ZFPM2: variants seen among roughly 807,000 people sequenced by gnomAD.
The protein encoded by ZFPM2 is zinc finger protein, FOG family member 2, also known as zinc finger protein ZFPM2.
ZFPM2 carries 20 observed loss-of-function variants against 98.6 expected under a neutral mutation model. That is an observed-to-expected ratio of 0.20 (90% CI 0.14 to 0.29). The LOEUF (loss-of-function observed/expected upper bound fraction) is 0.29. ZFPM2 is among the 10% of genes least tolerant of loss of function. The pLI, the probability that ZFPM2 is intolerant of heterozygous loss-of-function variation, is 1.00. For synonymous variants in ZFPM2, 518 were observed against 502.7 expected (o/e 1.03, Z -0.41); for missense variants, 1,310 against 1,388.6 (o/e 0.94, Z 0.90).
chr8:105,344,142 A>G (rs987345983), intron 1 of ZFPM2, among the ~76,000 whole-genome samples: 1 of 152,104 alleles, frequency 6.6e-6, no homozygotes, highest in Admixed American at 6.6e-5. Context: ...CCATGATCCA[A>G]TTACCTCTCA....
At chr8:105,385,784 A>G (rs544252894) in intron 1 of ZFPM2, among the ~76,000 whole-genome samples, 1 of 152,330 alleles carries the variant, frequency 6.6e-6, no homozygotes, top group East Asian at 1.9e-4. Flanking sequence ...AGAGAGGATA[A>G]GCTGTGAAGG....
chr8:105,748,512 G>A (rs1450407316), intron 5 of ZFPM2, among the ~76,000 whole-genome samples: 2 of 152,018 alleles, frequency 1.3e-5, no homozygotes, highest in Non-Finnish European at 2.9e-5. Context: ...AAGAAGAATA[G>A]GATGCTGAGT....
chr8:105,428,589 A>G (rs1378931481), intron 2 of ZFPM2, among the ~76,000 whole-genome samples: 1 of 152,236 alleles, frequency 6.6e-6, no homozygotes. Flanking sequence ...GGCAGAAGCC[A>G]GTAATAAATG....
intron 1 of ZFPM2, among the ~76,000 whole-genome samples, chr8:105,354,095 A>G (rs1378388598): frequency 6.6e-6 from 1 of 152,234 alleles, no homozygotes; most frequent in Non-Finnish European, 1.5e-5. Flanking sequence ...GGAGGCTGCA[A>G]ACCACTTAAG....
At chr8:105,720,210 A>G (rs1811627320) in intron 5 of ZFPM2, among the ~76,000 whole-genome samples, 1 of 151,882 alleles carries the variant, frequency 6.6e-6, no homozygotes, top group South Asian at 2.1e-4. Context: ...GCAATTTATT[A>G]TTCATACGAT....
intron 5 of ZFPM2, among the ~76,000 whole-genome samples, chr8:105,716,071 C>A (rs1811516805): frequency 6.6e-6 from 1 of 151,614 alleles, no homozygotes; most frequent in South Asian, 2.1e-4. Context: ...AAGAATTTTT[C>A]TTTTCTTTTC....
chr8:105,654,716 G>T (rs531832887), intron 5 of ZFPM2, among the ~76,000 whole-genome samples: 1 of 152,206 alleles, frequency 6.6e-6, no homozygotes, highest in African/African-American at 2.4e-5. Flanking sequence ...AGCTCCATCA[G>T]AACTGAGTAT....
chr8:105,433,571 A>G (rs773342182), intron 2 of ZFPM2, among the ~76,000 whole-genome samples: 1 of 152,148 alleles, frequency 6.6e-6, no homozygotes, highest in Non-Finnish European at 1.5e-5. Context: ...TTGGATCACA[A>G]GGTCAGGAGA....
At chr8:105,686,001 T>C (rs1267076007) in intron 5 of ZFPM2, among the ~76,000 whole-genome samples, 1 of 152,100 alleles carries the variant, frequency 6.6e-6, no homozygotes, top group Non-Finnish European at 1.5e-5. Context: ...AAATCCACTT[T>C]TGATTGGAAG....
intron 1 of ZFPM2, among the ~76,000 whole-genome samples, chr8:105,329,454 A>G (rs1157145730): frequency 6.6e-6 from 1 of 151,864 alleles, no homozygotes; most frequent in African/African-American, 2.4e-5. Flanking sequence ...CTTTGTTGAT[A>G]TGATAAAGGA....
At chr8:105,628,159 A>C (rs1466336136) in intron 4 of ZFPM2, among the ~76,000 whole-genome samples, 2 of 152,182 alleles carry the variant, frequency 1.3e-5, no homozygotes, top group Non-Finnish European at 2.9e-5. Context: ...TCCATTCTGA[A>C]GTTCAGAACA....
chr8:105,444,159 G>T, intron 2 of ZFPM2, 121 bp from the exon 3 acceptor site: 1 of 726,804 alleles, frequency 1.4e-6, no homozygotes, highest in South Asian at 1.8e-5. Flanking sequence ...TTAGTGTAAT[G>T]ACAATATGTA....
chr8:105,491,018 C>A (rs1813346498), intron 3 of ZFPM2, among the ~76,000 whole-genome samples: 1 of 152,070 alleles, frequency 6.6e-6, no homozygotes, highest in Non-Finnish European at 1.5e-5. Flanking sequence ...TGATATTATG[C>A]AAACATCTTG....
intron 3 of ZFPM2, among the ~76,000 whole-genome samples, chr8:105,487,929 T>TCTATCTATCTAG (rs1293634129): frequency 7.3e-5 from 6 of 82,692 alleles, no homozygotes; most frequent in African/African-American, 1.6e-4. Flanking sequence ...TATCTATCTA[T>TCTATCTATCTAG]CTAGCTAGCT....
intron 1 of ZFPM2, among the ~76,000 whole-genome samples, chr8:105,352,909 CA>C (rs1199753591): frequency 6.6e-6 from 1 of 152,064 alleles, no homozygotes; most frequent in Non-Finnish European, 1.5e-5. Flanking sequence ...CAGTCAGTTA[CA>C]GTGAGAGCAA....
At chr8:105,565,819 G>A (rs1284996144) in intron 4 of ZFPM2, among the ~76,000 whole-genome samples, 1 of 152,116 alleles carries the variant, frequency 6.6e-6, no homozygotes, top group African/African-American at 2.4e-5. Context: ...ATTTTTACAT[G>A]CCTAAATTTG....
intron 5 of ZFPM2, among the ~76,000 whole-genome samples, chr8:105,717,411 T>G (rs1257468160): frequency 1.3e-5 from 2 of 152,052 alleles, no homozygotes; most frequent in Non-Finnish European, 2.9e-5. Flanking sequence ...TAGTATTTAC[T>G]AAGACTCATC....
At chr8:105,647,895 T>C (rs1361124027) in intron 5 of ZFPM2, among the ~76,000 whole-genome samples, 1 of 152,164 alleles carries the variant, frequency 6.6e-6, no homozygotes, top group East Asian at 1.9e-4. Flanking sequence ...ATATACCCAG[T>C]AATGGGATGG....
chr8:105,766,733 G>T (rs1812860406), intron 5 of ZFPM2, among the ~76,000 whole-genome samples: 1 of 151,816 alleles, frequency 6.6e-6, no homozygotes, highest in South Asian at 2.1e-4. Context: ...ACTCATTCAG[G>T]AAAATCCATT....
Sources: allele counts gnomAD v4.1 joint callset (sites outside exome capture counted in the v4.1 genomes callset), GRCh38; gene constraint gnomAD v4.1.1; transcripts MANE v1.5; gene names NCBI Gene and HGNC (gene_info 2026-07-23, HGNC 2026-07-21).